Variants in TWF1 observed in about 807,000 individuals in gnomAD.
The protein encoded by TWF1 is twinfilin-1.
In TWF1, 14 loss-of-function variants were observed where a neutral mutation model predicts 47.9. The observed-to-expected ratio is 0.29, with a 90% CI of 0.19 to 0.46. TWF1 has a LOEUF of 0.46. Among genes scored for constraint, TWF1 ranks in the 20% least tolerant of loss-of-function variants. The pLI, the probability that TWF1 is intolerant of heterozygous loss-of-function variation, is 1.00. For synonymous variants in TWF1, 96 were observed against 139.2 expected (o/e 0.69, Z 2.18); for missense variants, 281 against 409.3 (o/e 0.69, Z 2.70).
At chr12:43,801,061 A>G (rs1398906904) in intron 3 of TWF1, among the ~76,000 whole-genome samples, 1 of 152,120 alleles carries the variant, frequency 6.6e-6, no homozygotes, top group African/African-American at 2.4e-5. Flanking sequence ...CACATTTTAA[A>G]GCTGAAAAAA....
At chr12:43,803,968 C>T (rs1942708726) in intron 2 of TWF1, among the ~76,000 whole-genome samples, 1 of 152,048 alleles carries the variant, frequency 6.6e-6, no homozygotes, top group South Asian at 2.1e-4. Context: ...CAACCAGATT[C>T]CCTGTTTACA....
In TWF1 at chr12:43,793,871, C is replaced by T. The variant is rs1409011612; in HGVS notation, c.*1714G>A. 5 of 152,644 alleles carry T rather than the reference C, an allele frequency of 3.3e-5. No individual in the cohort carries two copies. The highest frequency in any genetic ancestry group is 2.1e-4 in the South Asian group (1 of 4,824). 9.5% of individuals were successfully genotyped at this position (152,644 alleles called of 1,614,324 possible). On this transcript the variant is annotated 3_prime_UTR_variant, in exon 9 of 9. Transcript: ENST00000395510. ...ACTGCCAACTAAAACATACTGTAAA[C>T]GATGAGTTATACTCTATAACAAATG... is the stretch of plus-strand genomic sequence containing the variant.
rs115051300 is a variant in TWF1 at position 43,795,854 on chromosome 12, G to A, written c.883-99C>T. ...ATGCTCACAAATAATACCCTTTCCAGTAAGGCAGAATCAAGGACCATATGT... is the reference window on the plus strand; with the variant it reads ...ATGCTCACAAATAATACCCTTTCCAATAAGGCAGAATCAAGGACCATATGT... On this transcript the variant is annotated intron_variant, in intron 8 of 8. Coordinates refer to ENST00000395510, the MANE Select transcript of TWF1 (RefSeq NM_002822.5). 2,234 of 1,205,510 alleles carry A rather than the reference G, an allele frequency of 1.9e-3. 19 individuals are homozygous for A. The African/African-American group carries it at 0.026, about 14-fold the overall frequency. 74.7% of individuals were successfully genotyped at this position (1,205,510 alleles called of 1,614,324 possible). A position where few individuals can be genotyped will look rare whatever the true frequency, so the allele number is the denominator to read the frequency against.
At chr12:43,804,606 T>A (rs1486367948) in intron 1 of TWF1, 34 bp from the exon 2 acceptor site, 1 of 1,422,088 alleles carries the variant, frequency 7.0e-7, no homozygotes, top group Non-Finnish European at 9.7e-7. Context: ...AAACTTTTTA[T>A]ACTTACATAT....
chr12:43,806,199 G>T (rs1485990560), intron 1 of TWF1, 22 bp downstream of exon 1: 4 of 1,537,906 alleles, frequency 2.6e-6, no homozygotes, highest in Non-Finnish European at 1.7e-6. Flanking sequence ...CCTTCCCTGC[G>T]AGTCGCGCCG....
chr12:43,798,966 A>G (rs1349528388), intron 5 of TWF1, among the ~76,000 whole-genome samples: 1 of 152,108 alleles, frequency 6.6e-6, no homozygotes, highest in Non-Finnish European at 1.5e-5. Context: ...AATCTTCCAT[A>G]TATATCTCTA....
chr12:43,805,493 T>G (rs774363940), intron 1 of TWF1: 2 of 455,116 alleles, frequency 4.4e-6, no homozygotes, highest in South Asian at 3.1e-5. Flanking sequence ...AACCCGGGGA[T>G]ATATTATTTG....
chr12:43,804,360 G>C, intron 2 of TWF1, 135 bp downstream of exon 2: 1 of 639,334 alleles, frequency 1.6e-6, no homozygotes, highest in South Asian at 1.8e-5. Flanking sequence ...AAAATATGAG[G>C]AATCCAAGTT....
intron 8 of TWF1, among the ~76,000 whole-genome samples, chr12:43,796,040 C>A (rs981711508): frequency 4.6e-5 from 7 of 152,168 alleles, no homozygotes; most frequent in Non-Finnish European, 1.0e-4. Flanking sequence ...CTATGATACA[C>A]TATTTATTCA....
At chr12:43,804,616 T>C (rs780133706) in intron 1 of TWF1, 44 bp from the exon 2 acceptor site, 10 of 1,344,114 alleles carry the variant, frequency 7.4e-6, no homozygotes, top group Non-Finnish European at 1.0e-5. Flanking sequence ...TACTTACATA[T>C]AAATACTTTC....
chr12:43,805,982 T>C (rs1399333112), intron 1 of TWF1: 14 of 1,539,712 alleles, frequency 9.1e-6, no homozygotes, highest in Non-Finnish European at 1.0e-5. Context: ...TTTCCTTCGC[T>C]CCCCCGAATT....
At chr12:43,797,625 T>TA (rs1309307208) in intron 6 of TWF1, 83 bp downstream of exon 6, 1 of 1,493,424 alleles carries the variant, frequency 6.7e-7, no homozygotes, top group Non-Finnish European at 9.0e-7. Flanking sequence ...ATTTAAAATG[T>TA]AAAATCCATT....
intron 1 of TWF1, chr12:43,805,686 A>G (rs574086173): frequency 2.5e-6 from 2 of 805,416 alleles, no homozygotes; most frequent in Admixed American, 2.3e-5. Flanking sequence ...TTCTCAGAAC[A>G]TAACTCTCAT....
At chr12:43,804,284 C>T (rs1297095754) in intron 2 of TWF1, 1 of 551,276 alleles carries the variant, frequency 1.8e-6, no homozygotes, top group South Asian at 1.7e-5. Flanking sequence ...CATCAAAAAA[C>T]ATCTTTCTGT....
intron 4 of TWF1, 88 bp from the exon 5 acceptor site, chr12:43,799,590 G>A: frequency 1.6e-6 from 1 of 611,506 alleles, no homozygotes; most frequent in Non-Finnish European, 2.7e-6. Flanking sequence ...ATCATTAACA[G>A]AAAAGATTTT....
chr12:43,804,410 C>A, intron 2 of TWF1, 85 bp downstream of exon 2: 1 of 864,826 alleles, frequency 1.2e-6, no homozygotes, highest in South Asian at 1.5e-5. Flanking sequence ...ATTAATAGTT[C>A]AAATCACTGA....
intron 2 of TWF1, 83 bp from the exon 3 acceptor site, chr12:43,802,547 T>C (rs34291769): frequency 0.074 from 73,028 of 992,728 alleles, 3,217 homozygotes; most frequent in Non-Finnish European, 0.089. Context: ...AAAATAAATA[T>C]ATAGTCATTT....
At position 43,802,270 on chromosome 12, in the gene TWF1, T is replaced by C. The variant is rs1410905158; in HGVS notation, c.282+16A>G. ...CTAGCATTTAATGTTAAACAAACTA[T>C]AAAAAAGTTACTTACATGAGAATGA... On this transcript the variant is annotated intron_variant, in intron 3 of 8. Coordinates refer to ENST00000395510, the MANE Select transcript of TWF1 (RefSeq NM_002822.5). 2.0e-6 allele frequency: 3 copies of C among 1,492,694 alleles called. No homozygotes were observed. The highest frequency in any genetic ancestry group is 1.5e-5 in the African/African-American group (1 of 68,748). 92.5% of individuals were successfully genotyped at this position (1,492,694 alleles called of 1,614,324 possible).
rs56361776 is a variant in TWF1 at position 43,797,409 on chromosome 12, G to C, written c.653C>G (p.Thr218Arg). 5 of 1,600,502 alleles carry C rather than the reference G, an allele frequency of 3.1e-6. No individual in the cohort carries two copies. The highest frequency in any genetic ancestry group is 1.7e-5 in the Admixed American group (1 of 58,412). Reference protein sequence around the residue: ...KNEIIILANTTNTELKDLPKR... With the variant: ...KNEIIILANTRNTELKDLPKR... ...TGGCAAATCTTTCAGTTCTGTATTT[G>C]TTGTGTTGGCCAAAATTATAATTTC... The change falls in exon 7 of 9, where the codon ACA becomes AGA. Residue 218 changes from threonine to arginine, a missense_variant. Thr to Arg is a moderately conservative substitution (Grantham distance 71). Coordinates refer to ENST00000395510, the MANE Select transcript of TWF1 (RefSeq NM_002822.5).
Sources: gnomAD v4.1 joint callset for allele counts (sites outside exome capture counted in the v4.1 genomes callset) on GRCh38, gnomAD v4.1.1 for gene constraint, MANE v1.5 for transcripts, NCBI Gene and HGNC (gene_info 2026-07-23, HGNC 2026-07-21) for gene names.